Variants in MIGA1 observed in about 807,000 individuals in gnomAD.
MIGA1 encodes mitoguardin 1.
In MIGA1, 58 loss-of-function variants were observed where a neutral mutation model predicts 82.0. That is an observed-to-expected ratio of 0.71 (90% CI 0.57 to 0.88). The LOEUF (loss-of-function observed/expected upper bound fraction) is 0.88, where lower values mean the gene tolerates loss of function less well. MIGA1 is among the 40% of genes least tolerant of loss of function. The pLI is 0.00. For missense variants in MIGA1, 751 were observed against 749.1 expected (o/e 1.00, Z -0.03); for synonymous variants, 249 against 253.6 (o/e 0.98, Z 0.17).
chr1:77,844,612 T>C (rs748919966), intron 8 of MIGA1, among the ~76,000 whole-genome samples: 1 of 152,182 alleles, frequency 6.6e-6, no homozygotes, highest in Non-Finnish European at 1.5e-5. Flanking sequence ...CAATTTTATC[T>C]CAGAATATTT....
At chr1:77,783,842 G>T (rs1307384536) in intron 2 of MIGA1, among the ~76,000 whole-genome samples, 1 of 151,958 alleles carries the variant, frequency 6.6e-6, no homozygotes, top group African/African-American at 2.4e-5. Context: ...CCTCCTTCCC[G>T]TCATTCCCCA....
Position 77,813,862 on chromosome 1 carries a change from G to A in MIGA1, c.766G>A (p.Val256Ile), listed in dbSNP as rs753996477. Residue 256 changes from valine to isoleucine, a missense_variant, in exon 6 of 16, where the codon GTA becomes ATA. Coordinates refer to ENST00000370791, the MANE Select transcript of MIGA1 (RefSeq NM_198549.4). ...AGGAGATGCCATTGCTGAAGAAAATGTAGATGTAAGGGTGATTGATTTGAG... is the reference window on the plus strand; with the variant it reads ...AGGAGATGCCATTGCTGAAGAAAATATAGATGTAAGGGTGATTGATTTGAG... The A allele has an allele frequency of 2.2e-5, 36 of 1,614,006 alleles. No individual in the cohort carries two copies. Among genetic ancestry groups the A allele is most frequent in the Non-Finnish European group, 3.0e-5 (35 of 1,180,020 alleles).
intron 7 of MIGA1, among the ~76,000 whole-genome samples, chr1:77,843,030 T>A (rs1279477303): frequency 6.6e-6 from 1 of 152,260 alleles, no homozygotes; most frequent in Non-Finnish European, 1.5e-5. Flanking sequence ...GTATAGTAGA[T>A]AATCCAACTC....
rs1031716877 is a variant in MIGA1, at chr1:77,877,578, A to G, written c.*2514A>G. The G allele has an allele frequency of 6.5e-5, 10 of 152,714 alleles. No individual in the cohort carries two copies. Among genetic ancestry groups the G allele is most frequent in the Admixed American group, 4.6e-4 (7 of 15,296 alleles). The allele number at this position is 152,714 out of a possible 1,614,324, so 9.5% of individuals were successfully genotyped here. ...ACATGTGTGCGTGCACGTGCATTTC[A>G]TTACCATGTAGACAAGACAGTTATT... On this transcript the variant is annotated 3_prime_UTR_variant, in exon 16 of 16. Coordinates refer to ENST00000370791, the MANE Select transcript of MIGA1 (RefSeq NM_198549.4).
intron 4 of MIGA1, among the ~76,000 whole-genome samples, chr1:77,804,473 C>T (rs1683009557): frequency 6.6e-6 from 1 of 152,102 alleles, no homozygotes; most frequent in African/African-American, 2.4e-5. Flanking sequence ...CTCAGCTATT[C>T]AGAAGACTGA....
At chr1:77,833,794 G>C (rs1031801048) in intron 7 of MIGA1, among the ~76,000 whole-genome samples, 104 of 152,196 alleles carry the variant, frequency 6.8e-4, no homozygotes, top group Non-Finnish European at 4.0e-4. Context: ...ATGACTTCTT[G>C]CTCCAGTTTG....
intron 7 of MIGA1, among the ~76,000 whole-genome samples, chr1:77,840,642 G>A (rs1377976583): frequency 6.6e-6 from 1 of 151,986 alleles, no homozygotes; most frequent in Non-Finnish European, 1.5e-5. Context: ...CAGAAACCCC[G>A]TCTCTACTAA....
At chr1:77,788,018 G>A (rs1428657958) in intron 2 of MIGA1, among the ~76,000 whole-genome samples, 2 of 150,596 alleles carry the variant, frequency 1.3e-5, no homozygotes, top group Non-Finnish European at 3.0e-5. Flanking sequence ...ACAGAGTCTC[G>A]CTTCTTCACC....
intron 8 of MIGA1, chr1:77,848,821 G>T: frequency 8.7e-7 from 1 of 1,148,420 alleles, no homozygotes. Context: ...CCAAGAGAAA[G>T]ATTTAAGGAA....
intron 15 of MIGA1, among the ~76,000 whole-genome samples, chr1:77,874,189 C>T (rs1463571355): frequency 6.6e-6 from 1 of 151,990 alleles, no homozygotes; most frequent in East Asian, 1.9e-4. Context: ...ATTATGGTGA[C>T]ATAATAGCTG....
chr1:77,845,947 C>A (rs1462515065), intron 8 of MIGA1, among the ~76,000 whole-genome samples: 1 of 128,656 alleles, frequency 7.8e-6, no homozygotes, highest in Non-Finnish European at 1.7e-5. Flanking sequence ...GGATGAAAAG[C>A]TTTTTTTTTT....
chr1:77,865,686 C>T (rs1337358326), intron 13 of MIGA1, among the ~76,000 whole-genome samples: 4 of 151,942 alleles, frequency 2.6e-5, no homozygotes, highest in African/African-American at 9.7e-5. Flanking sequence ...TCACTTTTTT[C>T]CCTTAAGGAA....
At chr1:77,780,151 C>A in intron 1 of MIGA1, 1 of 990,222 alleles carries the variant, frequency 1.0e-6, no homozygotes, top group Non-Finnish European at 1.2e-6. Context: ...GAGGAGAGCT[C>A]CGCGAGGGGC....
chr1:77,800,328 C>T (rs531935787), intron 2 of MIGA1, among the ~76,000 whole-genome samples: 1 of 152,272 alleles, frequency 6.6e-6, no homozygotes, highest in South Asian at 2.1e-4. Context: ...GCTTGCTGAC[C>T]TCTTCTTGCT....
intron 4 of MIGA1, among the ~76,000 whole-genome samples, chr1:77,805,505 A>G (rs1325681437): frequency 7.2e-6 from 1 of 139,820 alleles, no homozygotes; most frequent in Non-Finnish European, 1.5e-5. Flanking sequence ...TATTGATGGA[A>G]TATACCTATT....
In MIGA1 at chr1:77,830,386, G is replaced by A. The variant is rs141924681; in HGVS notation, c.896-12921G>A. ...TTTTTAAGTTTACATTTTCTAATTT[G>A]TCATTGCTGGGATCTTAAATGTAGG... On this transcript the variant is annotated intron_variant, in intron 7 of 15. Coordinates refer to ENST00000370791, the MANE Select transcript of MIGA1 (RefSeq NM_198549.4). Among the ~76,000 whole-genome samples, 930 of 151,900 alleles carry A rather than the reference G, an allele frequency of 6.1e-3. 6 individuals carry two copies. Among genetic ancestry groups the A allele is most frequent in the Non-Finnish European group, 7.6e-3 (514 of 67,946 alleles).
intron 1 of MIGA1, chr1:77,779,960 C>G: frequency 7.4e-7 from 1 of 1,351,802 alleles, no homozygotes; most frequent in Non-Finnish European, 9.5e-7. Context: ...TAAGCAGGGT[C>G]GGGCCTGGTT....
chr1:77,813,053 T>C (rs1448134897), intron 5 of MIGA1, among the ~76,000 whole-genome samples: 1 of 152,192 alleles, frequency 6.6e-6, no homozygotes, highest in African/African-American at 2.4e-5. Context: ...CAATCTCGGC[T>C]CACTGCAACC....
rs189745393 is a variant in MIGA1 at position 77,790,415 on chromosome 1, C to T, written c.195+7064C>T. Reference sequence around the variant, plus strand: ...CTGAGTAGCTGGGACTACAGGCTCCCGCCACCACACCCGGCTAATTTTTTG... The same window carrying T: ...CTGAGTAGCTGGGACTACAGGCTCCTGCCACCACACCCGGCTAATTTTTTG... On this transcript the variant is annotated intron_variant, in intron 2 of 15. Coordinates refer to ENST00000370791, the MANE Select transcript of MIGA1 (RefSeq NM_198549.4). 2.4e-4 allele frequency among the ~76,000 whole-genome samples: 36 copies of T among 152,174 alleles called. 1 individual carries two copies. The highest frequency in any genetic ancestry group is 7.9e-4 in the African/African-American group (33 of 41,534).
Sources: allele counts gnomAD v4.1 joint callset (sites outside exome capture counted in the v4.1 genomes callset), GRCh38; gene constraint gnomAD v4.1.1; transcripts MANE v1.5; gene names NCBI Gene and HGNC (gene_info 2026-07-23, HGNC 2026-07-21).